CSF2RA: variants seen among roughly 807,000 people sequenced by gnomAD.
The protein encoded by CSF2RA is colony stimulating factor 2 receptor subunit alpha, also known as granulocyte-macrophage colony-stimulating factor receptor subunit alpha.
Under a neutral mutation model 51.6 loss-of-function variants are expected in CSF2RA, and 42 were observed. That is an observed-to-expected ratio of 0.81 (90% CI 0.64 to 1.05). The LOEUF (loss-of-function observed/expected upper bound fraction) is 1.05, where lower values mean the gene tolerates loss of function less well. Ranked by LOEUF, CSF2RA falls within the 50% of genes least tolerant of loss-of-function variation. The pLI is 0.00. For missense variants in CSF2RA, 530 were observed against 501.1 expected (o/e 1.06, Z -0.55); for synonymous variants, 222 against 193.0 (o/e 1.15, Z -1.24).
rs1372581826 is a variant in CSF2RA, at chrX:1,301,999, C to T, written c.946+1373C>T. 2.0e-5 allele frequency among the ~76,000 whole-genome samples: 3 copies of T among 149,254 alleles called. 1 individual carries two copies. Among genetic ancestry groups the T allele is most frequent in the Non-Finnish European group, 4.4e-5 (3 of 67,662 alleles). On this transcript the variant is annotated intron_variant, in intron 10 of 12. Transcript: ENST00000381529. ...TGGTGCCATCTCGGCTCACCGCGAT[C>T]TCCGCCTCCCAGGTTCAAGCAATTC...
Position 1,309,921 on chromosome X carries a change from G to T in CSF2RA, c.*442G>T. The T allele has an allele frequency of 1.8e-6, 1 of 559,384 alleles. No homozygotes were observed. The highest frequency in any genetic ancestry group is 3.1e-6 in the Non-Finnish European group (1 of 318,542). The allele number at this position is 559,384 out of a possible 1,614,324, so 34.7% of individuals were successfully genotyped here. ...CAATAATAATAAATAATAAAAACCT[G>T]ATATTTGGCTGGGCGCCGTGGCTCA... On this transcript the variant is annotated 3_prime_UTR_variant, in exon 13 of 13. Transcript: ENST00000381529.
At position 1,288,604 on chromosome X, in the gene CSF2RA, A is replaced by T; in HGVS notation, c.305A>T (p.Gln102Leu). Residue 102 changes from glutamine (Q) to leucine (L), a missense_variant, in exon 5 of 13, where the codon CAA (glutamine) becomes CTA (leucine). Coordinates refer to ENST00000381529, the MANE Select transcript of CSF2RA (RefSeq NM_172245.4). ...VTFEVHVNTS[Q>L]RGFQQKLLYP... ...TTTGAGGTTCACGTGAATACTAGTC[A>T]AAGAGGATTTCAACAGAAACTGCTT... 1 of 1,614,008 alleles carries T rather than the reference A, an allele frequency of 6.2e-7. No individual in the cohort carries two copies. Among genetic ancestry groups the T allele is most frequent in the South Asian group, 1.1e-5 (1 of 91,080 alleles).
At chrX:1,291,528 A>C (rs372077162) in intron 7 of CSF2RA, among the ~76,000 whole-genome samples, 27 of 151,200 alleles carry the variant, frequency 1.8e-4, no homozygotes, top group African/African-American at 6.6e-4. Flanking sequence ...ATATGCCCAC[A>C]CGCTCTCCTC....
chrX:1,269,002 G>C (rs1378957220), intron 1 of CSF2RA, 123 bp downstream of exon 1: 2 of 398,168 alleles, frequency 5.0e-6, no homozygotes, highest in Admixed American at 5.5e-5. Flanking sequence ...TCAAACGTTG[G>C]CTCGAGCCGA....
the CSF2RA span, among the ~76,000 whole-genome samples, chrX:1,325,044 T>A: frequency 1.3e-5 from 2 of 151,840 alleles, no homozygotes; most frequent in Non-Finnish European, 2.9e-5. Flanking sequence ...CAGAGAGGTG[T>A]ACCTGGTGCC....
At chrX:1,275,360 C>T (rs1291269798) in intron 2 of CSF2RA, among the ~76,000 whole-genome samples, 1 of 151,490 alleles carries the variant, frequency 6.6e-6, no homozygotes, top group Non-Finnish European at 1.5e-5. Context: ...CACTGCACTC[C>T]AGCCTGGGCA....
chrX:1,290,205 T>C, intron 6 of CSF2RA, 132 bp from the exon 7 acceptor site: 1 of 747,914 alleles, frequency 1.3e-6, no homozygotes, highest in South Asian at 1.7e-5. Flanking sequence ...TTTTTTTGTT[T>C]TGTGTTTTTG....
In CSF2RA at chrX:1,300,500, T is replaced by C. The variant is rs1471366269; in HGVS notation, c.820T>C (p.Ser274Pro). 1.2e-6 allele frequency: 2 copies of C among 1,613,930 alleles called. No individual in the cohort carries two copies. Among genetic ancestry groups the C allele is most frequent in the African/African-American group, 2.7e-5 (2 of 75,034 alleles). The stretch of plus-strand genomic sequence containing the variant: ...CTTTTTTCCTCCAAAGATTAATGTT[T>C]CTGGTGATTTGGAAAATAGATACAA... ...PGTENLLINV[S>P]GDLENRYNFP... is the part of the protein sequence containing the mutation. The change falls in exon 10 of 13, where the codon TCT becomes CCT. Residue 274 changes from serine (S) to proline (P), a missense_variant. By Grantham distance (74) the Ser-to-Pro change is moderately conservative. Transcript: ENST00000381529.
chrX:1,310,111 C>CGAGGTCAGGAGATCGAGGGCA (rs2084092370), downstream of CSF2RA: 1 of 291,238 alleles, frequency 3.4e-6, no homozygotes, highest in Admixed American at 4.7e-5. Context: ...GGGAGGATCA[C>CGAGGTCAGGAGATCGAGGGCA]TTGAGTTCAA....
At position 1,271,418 on chromosome X, in the gene CSF2RA, C is replaced by CA. The variant is rs1477926502; in HGVS notation, c.-91+2541dup. On this transcript the variant is annotated intron_variant, in intron 1 of 12. Coordinates refer to ENST00000381529, the MANE Select transcript of CSF2RA (RefSeq NM_172245.4). ...GCAGTGGTGCAATCTCCGCTCACTG[C>CA]AACCTCCACCTCCCGGGTTCAAGCA... Among the ~76,000 whole-genome samples, 3 of 147,740 alleles carry CA rather than the reference C, an allele frequency of 2.0e-5. 1 individual carries two copies. Among genetic ancestry groups the CA allele is most frequent in the African/African-American group, 7.6e-5 (3 of 39,718 alleles).
intron 1 of CSF2RA, among the ~76,000 whole-genome samples, chrX:1,272,478 ATT>A (rs1456559307): frequency 1.1e-4 from 1 of 8,776 alleles, no homozygotes; most frequent in East Asian, 2.8e-3. Flanking sequence ...TTTTTTCTTT[ATT>A]TTATTTTATT....
chrX:1,323,805 G>C, the CSF2RA span, among the ~76,000 whole-genome samples: 5 of 151,468 alleles, frequency 3.3e-5, no homozygotes, highest in Non-Finnish European at 7.4e-5. Context: ...ATGAGGTCAG[G>C]AGATCGAAAC....
Position 1,302,261 on chromosome X carries a change from G to A in CSF2RA, c.946+1635G>A, listed in dbSNP as rs780344828. Reference sequence around the variant, plus strand: ...CAGGTCTCGGCTGCCCAGGAGACAGGTCTATGCTTTTCTCTGAAGATGATT... The same window carrying A: ...CAGGTCTCGGCTGCCCAGGAGACAGATCTATGCTTTTCTCTGAAGATGATT... On this transcript the variant is annotated intron_variant, in intron 10 of 12. Coordinates refer to ENST00000381529, the MANE Select transcript of CSF2RA (RefSeq NM_172245.4). 2.6e-5 allele frequency among the ~76,000 whole-genome samples: 4 copies of A among 152,208 alleles called. No homozygotes were observed. The South Asian group carries it at 8.3e-4, about 32-fold the overall frequency.
At chrX:1,277,090 C>A (rs1348916181) in intron 2 of CSF2RA, among the ~76,000 whole-genome samples, 1 of 150,366 alleles carries the variant, frequency 6.7e-6, no homozygotes, top group Non-Finnish European at 1.5e-5. Flanking sequence ...CAGAGCGAGG[C>A]TCCGTCTCTA....
chrX:1,277,870 G>A (rs758348668), intron 2 of CSF2RA, among the ~76,000 whole-genome samples: 5 of 143,386 alleles, frequency 3.5e-5, no homozygotes, highest in African/African-American at 1.3e-4. Context: ...CCAGCTACTC[G>A]GGAGGCTGAG....
At chrX:1,301,286 C>T (rs1243484374) in intron 10 of CSF2RA, among the ~76,000 whole-genome samples, 1 of 134,700 alleles carries the variant, frequency 7.4e-6, no homozygotes, top group East Asian at 2.2e-4. Context: ...GAGCTGGGGT[C>T]ACGCCATTGC....
intron 1 of CSF2RA, among the ~76,000 whole-genome samples, chrX:1,270,817 A>G (rs1281107109): frequency 6.7e-6 from 1 of 149,644 alleles, no homozygotes; most frequent in Non-Finnish European, 1.5e-5. Flanking sequence ...AGGTGGGCGG[A>G]TCACCTGAGG....
intron 11 of CSF2RA, among the ~76,000 whole-genome samples, chrX:1,304,395 A>G (rs867260552): frequency 2.1e-5 from 3 of 145,188 alleles, no homozygotes; most frequent in African/African-American, 5.2e-5. Context: ...GCGAGACTCC[A>G]TCTCAAAACA....
chrX:1,307,763 C>T, intron 12 of CSF2RA, among the ~76,000 whole-genome samples: 1 of 120,102 alleles, frequency 8.3e-6, no homozygotes, highest in South Asian at 2.8e-4. Flanking sequence ...TTTAGATCTT[C>T]AACTGATTAG....
Sources: allele counts gnomAD v4.1 joint callset (sites outside exome capture counted in the v4.1 genomes callset), GRCh38; gene constraint gnomAD v4.1.1; transcripts MANE v1.5; gene names NCBI Gene and HGNC (gene_info 2026-07-23, HGNC 2026-07-21).